NETO1: variants seen among roughly 807,000 people sequenced by gnomAD.
NETO1 encodes the protein neuropilin and tolloid like 1, also known as neuropilin and tolloid-like protein 1.
A neutral mutation model predicts 61.3 loss-of-function variants in NETO1; 26 were observed. The ratio of observed to expected loss-of-function variants is 0.42; its 90% CI spans 0.31 to 0.59. NETO1 has a LOEUF of 0.59. Among genes scored for constraint, NETO1 ranks in the 20% least tolerant of loss-of-function variants. The probability of loss-of-function intolerance (pLI) is 0.12; values close to 1 mark genes in which losing one functional copy is unlikely to be tolerated. For synonymous variants in NETO1, 225 were observed against 225.8 expected (o/e 1.00, Z 0.03); for missense variants, 531 against 662.8 (o/e 0.80, Z 2.18).
chr18:72,788,198 A>T (rs771770779), intron 6 of NETO1, among the ~76,000 whole-genome samples: 17 of 152,300 alleles, frequency 1.1e-4, no homozygotes, highest in South Asian at 2.1e-4. Context: ...GGACCTTCTT[A>T]TTAAATAGAA....
intron 4 of NETO1, among the ~76,000 whole-genome samples, chr18:72,804,216 T>G (rs2072602121): frequency 6.6e-6 from 1 of 152,198 alleles, no homozygotes. Flanking sequence ...AGTTCTTCAA[T>G]AGTTCTTAGG....
intron 8 of NETO1, among the ~76,000 whole-genome samples, chr18:72,752,815 T>G (rs2070666486): frequency 6.6e-6 from 1 of 151,960 alleles, no homozygotes; most frequent in African/African-American, 2.4e-5. Flanking sequence ...TGAAGAAATA[T>G]AAATCATATA....
chr18:72,837,290 T>C (rs1273112935), intron 4 of NETO1, among the ~76,000 whole-genome samples: 2 of 152,174 alleles, frequency 1.3e-5, no homozygotes, highest in Non-Finnish European at 2.9e-5. Flanking sequence ...TCCTGGTACA[T>C]AGCTCTGAAT....
At chr18:72,794,016 C>T (rs892694507) in intron 6 of NETO1, 101 bp downstream of exon 6, 108 of 1,453,778 alleles carry the variant, frequency 7.4e-5, no homozygotes, top group Non-Finnish European at 9.9e-5. Context: ...GATGGCTGCA[C>T]TCTGAAATGT....
chr18:72,850,460 G>T (rs967760918), intron 4 of NETO1, among the ~76,000 whole-genome samples: 12 of 152,120 alleles, frequency 7.9e-5, no homozygotes, highest in Middle Eastern at 3.2e-3. Context: ...CCTTGATTTA[G>T]TTTTCAAATA....
At chr18:72,769,644 T>C (rs924474392) in intron 7 of NETO1, among the ~76,000 whole-genome samples, 22 of 152,164 alleles carry the variant, frequency 1.4e-4, no homozygotes, top group African/African-American at 5.3e-4. Context: ...CATTAATATC[T>C]TCATCCCATT....
chr18:72,793,995 T>A, intron 6 of NETO1, 122 bp downstream of exon 6: 1 of 1,286,184 alleles, frequency 7.8e-7, no homozygotes, highest in East Asian at 2.3e-5. Context: ...CAAAATGAAA[T>A]CATAGCCTTT....
chr18:72,748,685 G>C (rs182431393), intron 10 of NETO1, among the ~76,000 whole-genome samples: 1 of 151,770 alleles, frequency 6.6e-6, no homozygotes, highest in Non-Finnish European at 1.5e-5. Flanking sequence ...AAAAACCTTG[G>C]TTTTTTTCGA....
intron 7 of NETO1, among the ~76,000 whole-genome samples, chr18:72,756,492 T>C (rs564049332): frequency 6.6e-6 from 1 of 152,154 alleles, no homozygotes; most frequent in Non-Finnish European, 1.5e-5. Context: ...ACAGAAAGAA[T>C]GTATAAATTT....
rs977782442 is a variant in NETO1 at position 72,811,584 on chromosome 18, T to C, written c.470-17180A>G. Among the ~76,000 whole-genome samples, 4 of 152,086 alleles carry C rather than the reference T, an allele frequency of 2.6e-5. No homozygotes were observed. The South Asian group carries it at 6.2e-4, about 24-fold the overall frequency. ...TCTGGGAGACCAGAAAAGGAGGATC[T>C]TTTGAGATCAGGAGTTTGAGACCAG... is the stretch of plus-strand genomic sequence containing the variant. On this transcript the variant is annotated intron_variant, in intron 4 of 10. Transcript: ENST00000327305.
At chr18:72,756,279 C>T (rs185126142) in intron 7 of NETO1, 132 bp from the exon 8 acceptor site, 235 of 538,568 alleles carry the variant, frequency 4.4e-4, no homozygotes, top group African/African-American at 3.9e-3. Flanking sequence ...ATCTGCCGTG[C>T]GATTTTCAGA....
intron 1 of NETO1, chr18:72,865,771 T>A: frequency 7.5e-7 from 1 of 1,327,146 alleles, no homozygotes; most frequent in South Asian, 1.5e-5. Flanking sequence ...AACAGATTAA[T>A]GTGGATTGTG....
At chr18:72,838,239 T>C (rs1044899090) in intron 4 of NETO1, among the ~76,000 whole-genome samples, 2 of 152,188 alleles carry the variant, frequency 1.3e-5, no homozygotes, top group African/African-American at 4.8e-5. Context: ...TGGTGATATC[T>C]GTGGTTAACT....
At chr18:72,794,439 C>G in intron 4 of NETO1, 35 bp from the exon 5 acceptor site, 1 of 1,578,444 alleles carries the variant, frequency 6.3e-7, no homozygotes, top group South Asian at 1.2e-5. Flanking sequence ...TAGTCCCATT[C>G]TACATTTATT....
At chr18:72,773,847 G>A (rs2071457906) in intron 7 of NETO1, among the ~76,000 whole-genome samples, 1 of 152,086 alleles carries the variant, frequency 6.6e-6, no homozygotes, top group African/African-American at 2.4e-5. Context: ...AGGTGAGAAT[G>A]TCTTGGTTCA....
chr18:72,842,026 A>G (rs1407091675), intron 4 of NETO1, among the ~76,000 whole-genome samples: 1 of 150,784 alleles, frequency 6.6e-6, no homozygotes, highest in Non-Finnish European at 1.5e-5. Context: ...AGTAAAACAA[A>G]TAAATAAAAT....
At chr18:72,841,632 G>A (rs973778521) in intron 4 of NETO1, among the ~76,000 whole-genome samples, 1 of 146,854 alleles carries the variant, frequency 6.8e-6, no homozygotes, top group Non-Finnish European at 1.5e-5. Flanking sequence ...TACTCAGGAG[G>A]CTGAGGCAAG....
intron 1 of NETO1, 156 bp downstream of exon 1, chr18:72,867,108 G>C (rs1293496742): frequency 3.7e-5 from 20 of 533,588 alleles, no homozygotes; most frequent in Non-Finnish European, 5.5e-5. Flanking sequence ...GTTCCACGAT[G>C]CTGCAATACA....
rs146903849 is a variant in NETO1 at position 72,816,593 on chromosome 18, G to A, written c.470-22189C>T. On this transcript the variant is annotated intron_variant, in intron 4 of 10. Transcript: ENST00000327305. ...AGGGCATAGCACCAATGGCAATGGA[G>A]AACCTCTCCAGGCAGCAGCAAGGAG... Among the ~76,000 whole-genome samples, 610 of 152,302 alleles carry A rather than the reference G, an allele frequency of 4.0e-3. 6 individuals are homozygous for A. Among genetic ancestry groups the A allele is most frequent in the African/African-American group, 0.014 (579 of 41,574 alleles).
Sources: allele counts gnomAD v4.1 joint callset (sites outside exome capture counted in the v4.1 genomes callset), GRCh38; gene constraint gnomAD v4.1.1; transcripts MANE v1.5; gene names NCBI Gene and HGNC (gene_info 2026-07-23, HGNC 2026-07-21).